ADORA2A: variants seen among roughly 807,000 people sequenced by gnomAD.
ADORA2A encodes the protein adenosine receptor A2a.
A neutral mutation model predicts 18.4 loss-of-function variants in ADORA2A; 11 were observed. The observed-to-expected ratio is 0.60, with a 90% CI of 0.38 to 0.99. The LOEUF (loss-of-function observed/expected upper bound fraction) is 0.99. Among genes scored for constraint, ADORA2A ranks in the 50% least tolerant of loss-of-function variants. The pLI is 0.01. For synonymous variants in ADORA2A, 218 were observed against 237.3 expected, an observed-to-expected ratio of 0.92 and a Z score of 0.75; for missense variants, 449 against 556.1, an observed-to-expected ratio of 0.81 and a Z score of 1.94.
chr22:24,435,900 GGAGAGGATGACGACGAT>G (rs2043161705), intron 2 of ADORA2A, among the ~76,000 whole-genome samples: 1 of 151,194 alleles, frequency 6.6e-6, no homozygotes, highest in Admixed American at 6.5e-5. Flanking sequence ...AGGGGGCCCT[GGAGAGGATGACGACGAT>G]GATGTTCATC....
intron 1 of ADORA2A, among the ~76,000 whole-genome samples, chr22:24,428,939 C>T (rs1254160383): frequency 6.6e-6 from 1 of 152,214 alleles, no homozygotes; most frequent in Non-Finnish European, 1.5e-5. Flanking sequence ...ACTTGGTAAA[C>T]ATTTGTTATG....
In ADORA2A at chr22:24,435,746, T is replaced by G. The variant is rs1601413053; in HGVS notation, c.332+2010T>G. ...TGGGGAGGGTGGGGATTCAGATCTTTGGGTTCAGAGCCATGGACCTGCCCC... is the reference window on the plus strand; with the variant it reads ...TGGGGAGGGTGGGGATTCAGATCTTGGGGTTCAGAGCCATGGACCTGCCCC... On this transcript the variant is annotated intron_variant, in intron 2 of 2. Coordinates refer to ENST00000337539, the MANE Select transcript of ADORA2A (RefSeq NM_000675.6). 2.0e-5 allele frequency among the ~76,000 whole-genome samples: 3 copies of G among 152,266 alleles called. No individual in the cohort carries two copies. The South Asian group carries it at 6.2e-4, about 32-fold the overall frequency.
At chr22:24,428,010 A>C (rs2042942856) in intron 1 of ADORA2A, among the ~76,000 whole-genome samples, 1 of 152,154 alleles carries the variant, frequency 6.6e-6, no homozygotes, top group Non-Finnish European at 1.5e-5. Flanking sequence ...TGCCAGGTGT[A>C]TCTCTGGGTC....
chr22:24,423,827 TC>T (rs2042886255), upstream of ADORA2A: 1 of 151,892 alleles, frequency 6.6e-6, no homozygotes, highest in Non-Finnish European at 1.5e-5. Context: ...CCTCGGTTTC[TC>T]CGCGCAGCGG....
At position 24,434,404 on chromosome 22, in the gene ADORA2A, T is replaced by C. The variant is rs140915103; in HGVS notation, c.332+668T>C. On this transcript the variant is annotated intron_variant, in intron 2 of 2. Coordinates refer to ENST00000337539, the MANE Select transcript of ADORA2A (RefSeq NM_000675.6). ...GGCTGGCTGTTGGAGGGGATTTTTATGGTGAATCTTTTGTGAAGTGACTTC... is the reference window on the plus strand; with the variant it reads ...GGCTGGCTGTTGGAGGGGATTTTTACGGTGAATCTTTTGTGAAGTGACTTC... Among the ~76,000 whole-genome samples, 1,308 of 152,362 alleles carry C rather than the reference T, an allele frequency of 8.6e-3. 16 individuals are homozygous for C. The highest frequency in any genetic ancestry group is 0.015 in the South Asian group (71 of 4,832).
chr22:24,431,797 T>C (rs902130088), intron 1 of ADORA2A, among the ~76,000 whole-genome samples: 1 of 151,798 alleles, frequency 6.6e-6, no homozygotes, highest in African/African-American at 2.4e-5. Context: ...CACTGGGAGT[T>C]GGGGCTGGGC....
upstream of ADORA2A, chr22:24,427,586 C>T (rs1313374190): frequency 6.6e-6 from 1 of 152,356 alleles, no homozygotes; most frequent in Non-Finnish European, 1.5e-5. Flanking sequence ...TGTGAGCAGC[C>T]GCGTGCAGAG....
In ADORA2A at chr22:24,442,158, G is replaced by C. The variant is rs199561890; in HGVS notation, c.*669G>C. 1 of 153,024 alleles carries C rather than the reference G, an allele frequency of 6.5e-6. No homozygotes were observed. Among genetic ancestry groups the C allele is most frequent in the Non-Finnish European group, 1.5e-5 (1 of 68,280 alleles). 9.5% of individuals were successfully genotyped at this position (153,024 alleles called of 1,614,324 possible). A position where few individuals can be genotyped will look rare whatever the true frequency, so the allele number is the denominator to read the frequency against. On this transcript the variant is annotated 3_prime_UTR_variant, in exon 3 of 3. Transcript: ENST00000337539. ...TGACAAAGCTGGGATCAAGGACAGG[G>C]AGTTGTAACAGAGCAGTGCCAGAGC...
chr22:24,431,726 A>C (rs558771673), intron 1 of ADORA2A: 1 of 351,496 alleles, frequency 2.8e-6, no homozygotes, highest in South Asian at 2.1e-5. Context: ...GCTCTCAAAG[A>C]GGGGCAATTT....
In ADORA2A at chr22:24,440,481, C is replaced by T. The variant is rs1179437735; in HGVS notation, c.333-102C>T. 6 of 1,188,866 alleles carry T rather than the reference C, an allele frequency of 5.0e-6. No homozygotes were observed. In the East Asian group the frequency reaches 1.2e-4, roughly 23 times the overall value. The allele number at this position is 1,188,866 out of a possible 1,614,324, so 73.6% of individuals were successfully genotyped here. A position where few individuals can be genotyped will look rare whatever the true frequency, so the allele number is the denominator to read the frequency against. On this transcript the variant is annotated intron_variant, in intron 2 of 2. Transcript: ENST00000337539. ...AGGAAATGACTGGTCCAAGACCTTA[C>T]AGTCAGGAAATGTGGAAACGGGTGC...
intron 1 of ADORA2A, among the ~76,000 whole-genome samples, chr22:24,431,880 C>T (rs2043045698): frequency 1.3e-5 from 2 of 152,142 alleles, no homozygotes; most frequent in Admixed American, 1.3e-4. Flanking sequence ...CTGGGGGAGC[C>T]ATTTTAAATC....
chr22:24,434,658 C>G (rs914324055), intron 2 of ADORA2A, among the ~76,000 whole-genome samples: 2 of 152,188 alleles, frequency 1.3e-5, no homozygotes, highest in African/African-American at 4.8e-5. Flanking sequence ...TCTTGAGAGT[C>G]AGGGAGCAGG....
At chr22:24,428,753 CAG>C (rs1463090332) in intron 1 of ADORA2A, among the ~76,000 whole-genome samples, 1 of 152,200 alleles carries the variant, frequency 6.6e-6, no homozygotes, top group Non-Finnish European at 1.5e-5. Context: ...GTTGTGGAGA[CAG>C]GGAGTGGCCT....
At chr22:24,433,877 G>A in intron 2 of ADORA2A, 141 bp downstream of exon 2, 1 of 967,950 alleles carries the variant, frequency 1.0e-6, no homozygotes, top group South Asian at 1.7e-5. Context: ...CCCAGGCTCA[G>A]CAGGGGCTCC....
intron 2 of ADORA2A, among the ~76,000 whole-genome samples, chr22:24,437,494 G>C (rs2043209440): frequency 6.6e-6 from 1 of 152,082 alleles, no homozygotes; most frequent in East Asian, 1.9e-4. Context: ...AGGGCTCTCA[G>C]CCTATGGAGA....
At position 24,440,778 on chromosome 22, in the gene ADORA2A, C is replaced by T; in HGVS notation, c.528C>T (p.Tyr176=). 2 of 1,614,230 alleles carry T rather than the reference C, an allele frequency of 1.2e-6. No homozygotes were observed. The highest frequency in any genetic ancestry group is 1.7e-6 in the Non-Finnish European group (2 of 1,180,050). ...CLFEDVVPMN[Y]MVYFNFFACV... ...TTGAGGATGTGGTCCCCATGAACTA[C>T]ATGGTGTACTTCAACTTCTTTGCCT... Residue 176 remains tyrosine (Y), a synonymous_variant, in exon 3 of 3, where the codon TAC becomes TAT. Transcript: ENST00000337539.
upstream of ADORA2A, among the ~76,000 whole-genome samples, chr22:24,425,184 G>A (rs2042903466): frequency 6.6e-6 from 1 of 151,958 alleles, no homozygotes; most frequent in Non-Finnish European, 1.5e-5. Context: ...GGCTGCCCCA[G>A]GGTGCCCCAG....
upstream of ADORA2A, among the ~76,000 whole-genome samples, chr22:24,426,096 C>T (rs569454944): frequency 4.3e-4 from 66 of 152,312 alleles, no homozygotes; most frequent in African/African-American, 1.4e-3. Context: ...GAGAGCATCA[C>T]GTCCTGCAAA....
chr22:24,431,146 C>T (rs995195302), intron 1 of ADORA2A: 20 of 456,656 alleles, frequency 4.4e-5, no homozygotes, highest in Non-Finnish European at 6.2e-5. Context: ...TCCCTGCCAA[C>T]GACACACTTT....
Sources: gnomAD v4.1 joint callset for allele counts (sites outside exome capture counted in the v4.1 genomes callset) on GRCh38, gnomAD v4.1.1 for gene constraint, MANE v1.5 for transcripts, NCBI Gene and HGNC (gene_info 2026-07-23, HGNC 2026-07-21) for gene names.